BLVRB: variants seen among roughly 807,000 people sequenced by gnomAD.
The protein encoded by BLVRB is flavin reductase (NADPH).
Under a neutral mutation model 21.1 loss-of-function variants are expected in BLVRB, and 25 were observed. That is an observed-to-expected ratio of 1.19 (90% CI 0.86 to 1.66). The LOEUF (loss-of-function observed/expected upper bound fraction) is 1.66. Among genes scored for constraint, BLVRB ranks in the 40% most tolerant of loss-of-function variants. The pLI is 0.00. For synonymous variants in BLVRB, 128 were observed against 122.2 expected, an observed-to-expected ratio of 1.05 and a Z score of -0.31; for missense variants, 274 against 282.7, an observed-to-expected ratio of 0.97 and a Z score of 0.22.
At chr19:40,450,977 G>A (rs1229434716) in intron 4 of BLVRB, among the ~76,000 whole-genome samples, 2 of 151,480 alleles carry the variant, frequency 1.3e-5, no homozygotes, top group African/African-American at 4.9e-5. Context: ...GGAGGCTGAA[G>A]CCCCAGAATC....
At chr19:40,463,965 C>T (rs2079799537) in intron 1 of BLVRB, among the ~76,000 whole-genome samples, 1 of 152,030 alleles carries the variant, frequency 6.6e-6, no homozygotes, top group African/African-American at 2.4e-5. Context: ...GACGGGGTTT[C>T]ACTATATTGG....
At chr19:40,463,787 G>A (rs2145784774) in intron 1 of BLVRB, among the ~76,000 whole-genome samples, 1 of 145,480 alleles carries the variant, frequency 6.9e-6, no homozygotes, top group East Asian at 2.0e-4. Context: ...TTTTTTTTGA[G>A]ACAGAGTTTC....
At position 40,465,719 on chromosome 19, in the gene BLVRB, G is replaced by GA. The variant is rs2079812184; in HGVS notation, c.-32dup. 1.2e-6 allele frequency: 2 copies of GA among 1,608,126 alleles called. No homozygotes were observed. Among genetic ancestry groups the GA allele is most frequent in the Middle Eastern group, 1.6e-4 (1 of 6,062 alleles). ...GGGATCGTGGGGGTGCAAGGCCTCA[G>GA]AGTCTCGGCACGCGCGGGAACCCAC... On this transcript the variant is annotated 5_prime_UTR_variant, in exon 1 of 5. Transcript: ENST00000263368.
In BLVRB at chr19:40,465,678, T is replaced by C; in HGVS notation, c.11A>G (p.Lys4Arg). The C allele has an allele frequency of 6.2e-7, 1 of 1,612,838 alleles. No individual in the cohort carries two copies. The highest frequency in any genetic ancestry group is 8.5e-7 in the Non-Finnish European group (1 of 1,179,782). Reference protein sequence around the residue: MAVKKIAIFGATGQ... With the variant: MAVRKIAIFGATGQ... ...AGTGGCGCCGAAGATCGCGATCTTC[T>C]TGACGGCCATCGTACGGGATCGTGG... Residue 4 changes from lysine (K) to arginine (R), a missense_variant, in exon 1 of 5, where the codon AAG becomes AGG. Physicochemically the swap from Lys to Arg is conservative, Grantham distance 26. Coordinates refer to ENST00000263368, the MANE Select transcript of BLVRB (RefSeq NM_000713.3).
At chr19:40,451,601 C>T (rs546399857) in intron 3 of BLVRB, 109 bp from the exon 4 acceptor site, 14 of 1,359,260 alleles carry the variant, frequency 1.0e-5, no homozygotes, top group Admixed American at 6.0e-5. Context: ...GGCGCAATCT[C>T]GGCTCACTGC....
intron 1 of BLVRB, among the ~76,000 whole-genome samples, chr19:40,461,322 C>A (rs967849528): frequency 1.3e-5 from 2 of 152,164 alleles, no homozygotes; most frequent in Non-Finnish European, 2.9e-5. Flanking sequence ...CACACAGCAG[C>A]CAGACAGAGT....
At position 40,453,649 on chromosome 19, in the gene BLVRB, C is replaced by T. The variant is rs181634579; in HGVS notation, c.335-2157G>A. 1.4e-3 allele frequency among the ~76,000 whole-genome samples: 220 copies of T among 152,268 alleles called. 2 individuals carry two copies. Among genetic ancestry groups the T allele is most frequent in the African/African-American group, 4.2e-3 (175 of 41,560 alleles). On this transcript the variant is annotated intron_variant, in intron 3 of 4. Coordinates refer to ENST00000263368, the MANE Select transcript of BLVRB (RefSeq NM_000713.3). Reference sequence around the variant, plus strand: ...TTTTGCCTAAAGTCAAGTACTGGATCGACCACTGGCCAGCTTCTTGTTTCC... The same window carrying T: ...TTTTGCCTAAAGTCAAGTACTGGATTGACCACTGGCCAGCTTCTTGTTTCC...
rs763616711 is a variant in BLVRB at position 40,458,248 on chromosome 19, AGAGGG to A, written c.245-9_245-5del. On this transcript the variant is annotated splice_region_variant and splice_polypyrimidine_tract_variant and intron_variant, in intron 2 of 4. Transcript: ENST00000263368. ...TCGGACATCACTGTCGTGGGACCTTAGAGGGGACAGAGAGTGGCTGTCACTGGTGG... is the reference window on the plus strand; with the variant it reads ...TCGGACATCACTGTCGTGGGACCTTAGACAGAGAGTGGCTGTCACTGGTGG... 1.4e-5 allele frequency: 22 copies of A among 1,595,394 alleles called. 1 individual carries two copies. The South Asian group carries it at 2.4e-4, about 18-fold the overall frequency.
At position 40,458,338 on chromosome 19, in the gene BLVRB, C is replaced by T. The variant is rs200439555; in HGVS notation, c.244+43G>A. ...CGGGGGCGGGGGTGGCGCTGGGGGC[C>T]GAGGTGTAGGGGAGGGCCGTGGGCA... On this transcript the variant is annotated intron_variant, in intron 2 of 4. Transcript: ENST00000263368. 1,791 of 1,509,364 alleles carry T rather than the reference C, an allele frequency of 1.2e-3. 15 individuals carry two copies. The African/African-American group carries it at 0.021, about 18-fold the overall frequency. 93.5% of individuals were successfully genotyped at this position (1,509,364 alleles called of 1,614,324 possible). A position where few individuals can be genotyped will look rare whatever the true frequency, so the allele number is the denominator to read the frequency against.
chr19:40,458,507 G>A lies in BLVRB; in HGVS notation c.118C>T (p.Leu40=), dbSNP rs1319461809. The A allele has an allele frequency of 2.5e-6, 4 of 1,611,704 alleles. No individual in the cohort carries two copies. In the East Asian group the frequency reaches 8.9e-5, roughly 36 times the overall value. The change falls in exon 2 of 5, where the codon CTG becomes TTG. Residue 40 remains leucine (L), a synonymous_variant. Coordinates refer to ENST00000263368, the MANE Select transcript of BLVRB (RefSeq NM_000713.3). The stretch of plus-strand genomic sequence containing the variant: ...GCCGGCCGGGGCCCCTCTGATGGCA[G>A]CCTGGAGGAGTCCCGCACCAGCACT... ...VTVLVRDSSR[L]PSEGPRPAHV...
chr19:40,456,979 A>G (rs1205843742), intron 3 of BLVRB, among the ~76,000 whole-genome samples: 1 of 152,160 alleles, frequency 6.6e-6, no homozygotes. Context: ...GACCATTCCA[A>G]TCTGCGAACA....
Position 40,451,480 on chromosome 19 carries a change from C to T in BLVRB, c.347G>A (p.Trp116Ter), listed in dbSNP as rs1253546901. ...VVACTSAFLL[W>*]DPTKVPPRLQ... Reference sequence around the variant, plus strand: ...TCGTGGGGGCACCTTGGTAGGGTCCCAGAGCAGGAAAGCTGGAGGGAACAC... The same window carrying T: ...TCGTGGGGGCACCTTGGTAGGGTCCTAGAGCAGGAAAGCTGGAGGGAACAC... The change falls in exon 4 of 5, where the codon TGG (tryptophan) becomes TAG (stop). Residue 116 changes from tryptophan to a stop codon, truncating the protein, a stop_gained. Coordinates refer to ENST00000263368, the MANE Select transcript of BLVRB (RefSeq NM_000713.3). LOFTEE classifies it high-confidence loss of function. 4 of 1,611,182 alleles carry T rather than the reference C, an allele frequency of 2.5e-6. No homozygotes were observed. The highest frequency in any genetic ancestry group is 3.4e-6 in the Non-Finnish European group (4 of 1,178,740).
chr19:40,465,115 T>C (rs2079805347), intron 1 of BLVRB, among the ~76,000 whole-genome samples: 1 of 152,170 alleles, frequency 6.6e-6, no homozygotes, highest in African/African-American at 2.4e-5. Flanking sequence ...GTTAAGAGCA[T>C]GAGCTGAGTT....
chr19:40,458,474 C>A lies in BLVRB; in HGVS notation c.151G>T (p.Val51Leu). ...PSEGPRPAHV[V>L]VGDVLQAADV... is the part of the protein sequence containing the mutation. ...GCTGCCTGCAGAACATCTCCCACTACCACGTGGGCCGGCCGGGGCCCCTCT... is the reference window on the plus strand; with the variant it reads ...GCTGCCTGCAGAACATCTCCCACTAACACGTGGGCCGGCCGGGGCCCCTCT... Residue 51 changes from valine (V) to leucine (L), a missense_variant, in exon 2 of 5, where the codon GTA (valine) becomes TTA (leucine). Physicochemically the swap from Val to Leu is conservative, Grantham distance 32. Coordinates refer to ENST00000263368, the MANE Select transcript of BLVRB (RefSeq NM_000713.3). 6.2e-7 allele frequency: 1 copy of A among 1,607,764 alleles called. No individual in the cohort carries two copies. Among genetic ancestry groups the A allele is most frequent in the Non-Finnish European group, 8.5e-7 (1 of 1,177,684 alleles).
chr19:40,459,771 A>G lies in BLVRB; in HGVS notation c.80-1226T>C, dbSNP rs138925797. Among the ~76,000 whole-genome samples the G allele has an allele frequency of 1.7e-3, 265 of 152,276 alleles. 1 individual carries two copies. Among genetic ancestry groups the G allele is most frequent in the Non-Finnish European group, 2.9e-3 (199 of 68,022 alleles). On this transcript the variant is annotated intron_variant, in intron 1 of 4. Coordinates refer to ENST00000263368, the MANE Select transcript of BLVRB (RefSeq NM_000713.3). ...TTTCTAGTAGAGATAGGGTTTTACC[A>G]TGTTGGCCAGGCTGGTCTTGAACTC...
chr19:40,465,522 C>CA (rs2079809019), intron 1 of BLVRB, 88 bp downstream of exon 1: 1 of 1,502,636 alleles, frequency 6.7e-7, no homozygotes, highest in Non-Finnish European at 9.0e-7. Context: ...CTCATGGCCC[C>CA]AATCAGCCTC....
chr19:40,456,018 C>A (rs778556270), intron 3 of BLVRB, among the ~76,000 whole-genome samples: 1 of 151,926 alleles, frequency 6.6e-6, no homozygotes, highest in African/African-American at 2.4e-5. Flanking sequence ...TAGATAGCTA[C>A]AAACTTAAAA....
chr19:40,453,843 T>C (rs538275976), intron 3 of BLVRB, among the ~76,000 whole-genome samples: 1 of 152,148 alleles, frequency 6.6e-6, no homozygotes, highest in South Asian at 2.1e-4. Flanking sequence ...ATTAAAAAAT[T>C]AGCCAGGCGT....
chr19:40,458,612 C>T, intron 1 of BLVRB, 67 bp from the exon 2 acceptor site: 9 of 1,478,518 alleles, frequency 6.1e-6, no homozygotes, highest in Non-Finnish European at 8.1e-6. Context: ...GGAGCTGGGT[C>T]CTAGAAGCCA....
Sources: gnomAD v4.1 joint callset for allele counts (sites outside exome capture counted in the v4.1 genomes callset) on GRCh38, gnomAD v4.1.1 for gene constraint, MANE v1.5 for transcripts, NCBI Gene and HGNC (gene_info 2026-07-23, HGNC 2026-07-21) for gene names.